The following GALNT2 variants were observed in gnomAD, a reference collection of about 807,000 sequenced individuals.
GALNT2 encodes the protein UDP-GalNAc:polypeptide N-acetylgalactosaminyltransferase 2.
In GALNT2, 31 loss-of-function variants were observed where a neutral mutation model predicts 81.4. The ratio of observed to expected loss-of-function variants is 0.38; its 90% CI spans 0.29 to 0.51. The LOEUF (loss-of-function observed/expected upper bound fraction) is 0.51, where lower values mean the gene tolerates loss of function less well. GALNT2 is among the 20% of genes least tolerant of loss of function. The probability of loss-of-function intolerance (pLI) is 0.87; values close to 1 mark genes in which losing one functional copy is unlikely to be tolerated. For missense variants in GALNT2, 629 were observed against 765.7 expected (o/e 0.82, Z 2.11); for synonymous variants, 303 against 287.4 (o/e 1.05, Z -0.55).
In GALNT2 at chr1:230,257,479, G is replaced by C. The variant is rs994620363; in HGVS notation, c.1136+2135G>C. Among the ~76,000 whole-genome samples, 4 of 152,154 alleles carry C rather than the reference G, an allele frequency of 2.6e-5. No individual in the cohort carries two copies. The highest frequency in any genetic ancestry group is 6.5e-5 in the Admixed American group (1 of 15,282). On this transcript the variant is annotated intron_variant, in intron 11 of 15. Coordinates refer to ENST00000366672, the MANE Select transcript of GALNT2 (RefSeq NM_004481.5). The surrounding 1 kb of genome is among the most constrained non-coding windows in gnomAD (Gnocchi z 4.6). ...TTTAGATACACAAATACTTACCATT[G>C]TGTTACAGTTTCCTCCAGTGTTCAG...
intron 2 of GALNT2, among the ~76,000 whole-genome samples, chr1:230,194,829 A>G (rs564552210): frequency 2.0e-5 from 3 of 152,322 alleles, no homozygotes; most frequent in African/African-American, 7.2e-5. Flanking sequence ...CCCATCCACC[A>G]TAGAGGGGAG....
intron 1 of GALNT2, among the ~76,000 whole-genome samples, chr1:230,100,009 G>A (rs1203266319): frequency 1.3e-5 from 2 of 152,212 alleles, no homozygotes; most frequent in Non-Finnish European, 1.5e-5. Flanking sequence ...CTCCTTTAGG[G>A]CAAGGGCCAG....
intron 1 of GALNT2, among the ~76,000 whole-genome samples, chr1:230,139,187 C>T (rs1200313178): frequency 6.6e-6 from 1 of 152,168 alleles, no homozygotes; most frequent in Non-Finnish European, 1.5e-5. Context: ...GTCCCCTCAC[C>T]TTACTGTTTG....
At chr1:230,207,653 A>G (rs898774816) in intron 3 of GALNT2, among the ~76,000 whole-genome samples, 5 of 152,074 alleles carry the variant, frequency 3.3e-5, no homozygotes, top group African/African-American at 1.2e-4. Context: ...CAGTGGTACA[A>G]TTTTGGCTCA....
At chr1:230,106,200 G>A (rs1391370017) in intron 1 of GALNT2, among the ~76,000 whole-genome samples, 1 of 152,206 alleles carries the variant, frequency 6.6e-6, no homozygotes, top group African/African-American at 2.4e-5. Context: ...TGTATTCCCT[G>A]ATCAGCTGTG....
chr1:230,074,584 C>T (rs149512707), intron 1 of GALNT2, among the ~76,000 whole-genome samples: 56 of 152,300 alleles, frequency 3.7e-4, no homozygotes, highest in African/African-American at 1.0e-3. Flanking sequence ...TGCCTTAGTC[C>T]GTTAATTTTG....
intron 1 of GALNT2, among the ~76,000 whole-genome samples, chr1:230,086,036 C>G (rs12023543): frequency 0.34 from 52,012 of 152,080 alleles, 10,434 homozygotes; most frequent in African/African-American, 0.56. Context: ...GGTTAAGGAA[C>G]GAACTCGGGT....
intron 1 of GALNT2, among the ~76,000 whole-genome samples, chr1:230,071,765 G>C (rs1054986226): frequency 6.6e-6 from 1 of 152,192 alleles, no homozygotes; most frequent in Admixed American, 6.5e-5. Context: ...GAAAACCACT[G>C]TATAGCCAGA....
At chr1:230,079,405 A>G (rs1659661510) in intron 1 of GALNT2, among the ~76,000 whole-genome samples, 2 of 152,234 alleles carry the variant, frequency 1.3e-5, no homozygotes, top group Non-Finnish European at 2.9e-5. Flanking sequence ...CCACATTCAC[A>G]CACAGTTTCT....
chr1:230,108,771 T>G (rs1660614036), intron 1 of GALNT2, among the ~76,000 whole-genome samples: 1 of 152,236 alleles, frequency 6.6e-6, no homozygotes, highest in Non-Finnish European at 1.5e-5. Context: ...TATCAGTTGT[T>G]TAACTTCGTG....
intron 1 of GALNT2, among the ~76,000 whole-genome samples, chr1:230,111,827 C>T (rs978839189): frequency 3.3e-5 from 5 of 152,102 alleles, no homozygotes; most frequent in Non-Finnish European, 7.4e-5. Context: ...AGCTTTGGAC[C>T]TGAAATCTGG....
At chr1:230,143,922 G>T (rs1416304704) in intron 1 of GALNT2, among the ~76,000 whole-genome samples, 1 of 152,212 alleles carries the variant, frequency 6.6e-6, no homozygotes, top group Admixed American at 6.5e-5. Flanking sequence ...TTGTAATTAG[G>T]CTTTAATTGC....
chr1:230,084,625 A>G (rs575541945), intron 1 of GALNT2, among the ~76,000 whole-genome samples: 45 of 151,954 alleles, frequency 3.0e-4, no homozygotes, highest in African/African-American at 1.1e-3. Flanking sequence ...GCTGAGAGCC[A>G]GGGTTGTGGA....
chr1:230,115,054 G>C (rs1049541664), intron 1 of GALNT2, among the ~76,000 whole-genome samples: 3 of 148,346 alleles, frequency 2.0e-5, no homozygotes, highest in African/African-American at 7.5e-5. Flanking sequence ...CACCCAGGCT[G>C]GAGTGCAGTG....
chr1:230,074,211 C>G (rs12045104), intron 1 of GALNT2, among the ~76,000 whole-genome samples: 15,407 of 152,008 alleles, frequency 0.1, 1,034 homozygotes, highest in East Asian at 0.36. Flanking sequence ...TTTCACCTCA[C>G]CCTACCGAGT....
chr1:230,270,473 A>T (rs1312286832), intron 14 of GALNT2, among the ~76,000 whole-genome samples: 1 of 152,248 alleles, frequency 6.6e-6, no homozygotes, highest in African/African-American at 2.4e-5. Context: ...TGGGCACTTG[A>T]AATATGACTA....
intron 1 of GALNT2, among the ~76,000 whole-genome samples, chr1:230,164,751 C>T (rs1457977237): frequency 2.0e-5 from 3 of 152,108 alleles, no homozygotes; most frequent in African/African-American, 7.2e-5. Flanking sequence ...AGGATGGTCT[C>T]GATCTCCTGA....
upstream of GALNT2, among the ~76,000 whole-genome samples, chr1:230,065,299 C>G (rs548757791): frequency 6.6e-6 from 1 of 151,948 alleles, no homozygotes; most frequent in African/African-American, 2.4e-5. Flanking sequence ...TGTAATTATT[C>G]TTTGTTTCTG....
At chr1:230,102,535 A>G (rs981077025) in intron 1 of GALNT2, among the ~76,000 whole-genome samples, 5 of 152,046 alleles carry the variant, frequency 3.3e-5, no homozygotes, top group African/African-American at 1.2e-4. Flanking sequence ...CTGTAGGGGA[A>G]CGTTTATACC....
Sources: gnomAD v4.1 joint callset for allele counts (sites outside exome capture counted in the v4.1 genomes callset) on GRCh38, gnomAD v4.1.1 for gene constraint, Gnocchi (gnomAD v3.1) non-coding constraint, MANE v1.5 for transcripts, NCBI Gene and HGNC (gene_info 2026-07-23, HGNC 2026-07-21) for gene names.